The following PSD4 variants were observed in gnomAD, a reference collection of about 807,000 sequenced individuals.
The protein encoded by PSD4 is PH and SEC7 domain-containing protein 4.
A neutral mutation model predicts 112.5 loss-of-function variants in PSD4; 59 were observed. The observed-to-expected ratio is 0.52, with a 90% confidence interval of 0.43 to 0.65. The LOEUF is 0.65. Among genes scored for constraint, PSD4 ranks in the 30% least tolerant of loss-of-function variants. The probability of loss-of-function intolerance (pLI) is 0.00; values close to 1 mark genes in which losing one functional copy is unlikely to be tolerated. For missense variants in PSD4, 1,267 were observed against 1,352.6 expected (o/e 0.94, Z 0.99); for synonymous variants, 533 against 540.0 (o/e 0.99, Z 0.18).
At chr2:113,196,415 C>T in intron 12 of PSD4, 108 bp downstream of exon 12, 2 of 1,384,728 alleles carry the variant, frequency 1.4e-6, no homozygotes, top group Admixed American at 2.3e-5. Context: ...GCGTTGAGGA[C>T]AGGCAGCCAG....
At chr2:113,175,137 C>G (rs1573343196) in intron 1 of PSD4, 1 of 152,048 alleles carries the variant, frequency 6.6e-6, no homozygotes, top group Non-Finnish European at 1.5e-5. Flanking sequence ...GTGAGAGGAC[C>G]CAGGGAGGAG....
intron 14 of PSD4, chr2:113,198,138 A>G (rs1688664255): frequency 1.9e-6 from 1 of 522,602 alleles, no homozygotes; most frequent in Non-Finnish European, 3.3e-6. Context: ...CTTTGCCAGC[A>G]CAGTATGCCT....
At chr2:113,176,315 G>A (rs955081155) in intron 1 of PSD4, among the ~76,000 whole-genome samples, 1 of 152,230 alleles carries the variant, frequency 6.6e-6, no homozygotes, top group African/African-American at 2.4e-5. Flanking sequence ...TGGGGCAGGT[G>A]GGAGGGACTC....
At chr2:113,196,355 TG>T in intron 12 of PSD4, 48 bp downstream of exon 12, 16 of 1,579,228 alleles carry the variant, frequency 1.0e-5, no homozygotes, top group Non-Finnish European at 1.3e-5. Flanking sequence ...GGAGCAGCCC[TG>T]CTCAGGGACC....
Position 113,198,847 on chromosome 2 carries a change from G to A in PSD4, c.2732G>A (p.Arg911Gln), listed in dbSNP as rs573621306. ...GTGGGCTCCCAGCGCAGATTCGTGC[G>A]GCCCATCCTGCCCGTGGGCCCCGCC... ...AAVGSQRRFV[R>Q]PILPVGPAQS... The change falls in exon 15 of 17, where the codon CGG (arginine) becomes CAG (glutamine). Residue 911 changes from arginine (R) to glutamine (Q), a missense_variant. Coordinates refer to ENST00000245796, the MANE Select transcript of PSD4 (RefSeq NM_012455.3). 4 of 1,598,000 alleles carry A rather than the reference G, an allele frequency of 2.5e-6. No homozygotes were observed. Among genetic ancestry groups the A allele is most frequent in the Admixed American group, 1.7e-5 (1 of 59,722 alleles).
Position 113,201,824 on chromosome 2 carries a change from C to T in PSD4, c.*409C>T, listed in dbSNP as rs986907848. 27 of 183,322 alleles carry T rather than the reference C, an allele frequency of 1.5e-4. No homozygotes were observed. The highest frequency in any genetic ancestry group is 4.9e-3 in the Middle Eastern group (2 of 410). The allele number at this position is 183,322 out of a possible 1,614,324, so 11.4% of individuals were successfully genotyped here. ...TGTGCCCTTGGCTTCTGGGGGAGAG[C>T]TTGGGGCAGCAGAGGCCCCTGGGCA... On this transcript the variant is annotated 3_prime_UTR_variant, in exon 17 of 17. Transcript: ENST00000245796.
intron 1 of PSD4, among the ~76,000 whole-genome samples, chr2:113,174,497 G>C (rs774597923): frequency 3.9e-5 from 6 of 152,212 alleles, no homozygotes; most frequent in East Asian, 1.9e-4. Flanking sequence ...AGTGATTCTC[G>C]ACCCTAGACT....
At chr2:113,185,555 G>C (rs1024072056) in intron 4 of PSD4, 115 bp downstream of exon 4, 8 of 1,587,258 alleles carry the variant, frequency 5.0e-6, no homozygotes, top group Non-Finnish European at 1.7e-6. Flanking sequence ...CCATTATATT[G>C]TGTTTAAGCC....
At chr2:113,177,644 T>G (rs571698804) in intron 1 of PSD4, among the ~76,000 whole-genome samples, 2 of 151,680 alleles carry the variant, frequency 1.3e-5, no homozygotes, top group East Asian at 3.9e-4. Context: ...TCAATGCTGA[T>G]CTTTAAATTT....
Position 113,185,766 on chromosome 2 carries a change from T to C in PSD4, c.1250-111T>C, listed in dbSNP as rs1285590532. 6 of 1,550,372 alleles carry C rather than the reference T, an allele frequency of 3.9e-6. No individual in the cohort carries two copies. In the African/African-American group the frequency reaches 6.8e-5, roughly 18 times the overall value. On this transcript the variant is annotated intron_variant, in intron 4 of 16. Coordinates refer to ENST00000245796, the MANE Select transcript of PSD4 (RefSeq NM_012455.3). ...TCACTGCCCGAGGGAGGACAGGGCA[T>C]GCTGCCAGGCTCCAGGGGAGGAGCC...
chr2:113,192,972 C>T lies in PSD4; in HGVS notation c.1839-76C>T, dbSNP rs1053890782. 1.2e-5 allele frequency: 18 copies of T among 1,443,290 alleles called. No homozygotes were observed. The African/African-American group carries it at 1.7e-4, about 13-fold the overall frequency. The allele number at this position is 1,443,290 out of a possible 1,614,324, so 89.4% of individuals were successfully genotyped here. ...ACCCCCACCGCATAATGTGTGCAGG[C>T]CCTGGGGGCCCCAGTGCATCTGCAG... is the stretch of plus-strand genomic sequence containing the variant. On this transcript the variant is annotated intron_variant, in intron 6 of 16. Coordinates refer to ENST00000245796, the MANE Select transcript of PSD4 (RefSeq NM_012455.3).
intron 16 of PSD4, among the ~76,000 whole-genome samples, chr2:113,200,717 A>C (rs1448342585): frequency 6.6e-6 from 1 of 152,224 alleles, no homozygotes; most frequent in Non-Finnish European, 1.5e-5. Flanking sequence ...TCAGGAGTAC[A>C]GTGTTAAGTA....
In PSD4 at chr2:113,199,173, C is replaced by T. The variant is rs1011418823; in HGVS notation, c.2860C>T (p.Arg954Cys). The T allele has an allele frequency of 3.9e-6, 6 of 1,524,554 alleles. No individual in the cohort carries two copies. The highest frequency in any genetic ancestry group is 5.3e-6 in the Non-Finnish European group (6 of 1,138,748). 94.4% of individuals were successfully genotyped at this position (1,524,554 alleles called of 1,614,324 possible). ...GAGGAACCTGCCGGAGCGGCGGGGCCGTGGCCGCGAGCTGGAGGAGCACCG... is the reference window on the plus strand; with the variant it reads ...GAGGAACCTGCCGGAGCGGCGGGGCTGTGGCCGCGAGCTGGAGGAGCACCG... Reference protein sequence around the residue: ...LQRNLPERRGRGRELEEHRLR... With the variant: ...LQRNLPERRGCGRELEEHRLR... Residue 954 changes from arginine (R) to cysteine (C), a missense_variant, in exon 16 of 17, where the codon CGT becomes TGT. Physicochemically the swap from Arg to Cys is radical, Grantham distance 180. Transcript: ENST00000245796.
chr2:113,177,241 G>A (rs1400493063), intron 1 of PSD4, among the ~76,000 whole-genome samples: 1 of 152,216 alleles, frequency 6.6e-6, no homozygotes, highest in Non-Finnish European at 1.5e-5. Flanking sequence ...CCGTGGGGAA[G>A]CCTTCATATT....
At position 113,186,230 on chromosome 2, in the gene PSD4, G is replaced by A. The variant is rs1306639997; in HGVS notation, c.1603G>A (p.Asp535Asn). ...RPAETGDVQP[D>N]IHLTSAEHEN... Reference sequence around the variant, plus strand: ...TGCAGAGACTGGAGACGTCCAGCCTGACATTCACCTGACTTCTGCAGAACA... The same window carrying A: ...TGCAGAGACTGGAGACGTCCAGCCTAACATTCACCTGACTTCTGCAGAACA... Residue 535 changes from aspartate to asparagine, a missense_variant, in exon 5 of 17, where the codon GAC (aspartate) becomes AAC (asparagine). Coordinates refer to ENST00000245796, the MANE Select transcript of PSD4 (RefSeq NM_012455.3). 1.3e-6 allele frequency: 2 copies of A among 1,597,474 alleles called. No individual in the cohort carries two copies. The highest frequency in any genetic ancestry group is 1.7e-6 in the Non-Finnish European group (2 of 1,170,294).
rs1189745244 is a variant in PSD4, at chr2:113,199,176, G to A, written c.2863G>A (p.Gly955Ser). Residue 955 changes from glycine to serine, a missense_variant, in exon 16 of 17, where the codon GGC (glycine) becomes AGC (serine). Transcript: ENST00000245796. ...GAACCTGCCGGAGCGGCGGGGCCGT[G>A]GCCGCGAGCTGGAGGAGCACCGCCT... Reference protein sequence around the residue: ...QRNLPERRGRGRELEEHRLRK... With the variant: ...QRNLPERRGRSRELEEHRLRK... The A allele has an allele frequency of 1.3e-6, 2 of 1,525,074 alleles. No homozygotes were observed. Among genetic ancestry groups the A allele is most frequent in the South Asian group, 1.2e-5 (1 of 82,546 alleles). The allele number at this position is 1,525,074 out of a possible 1,614,324, so 94.5% of individuals were successfully genotyped here. A position where few individuals can be genotyped will look rare whatever the true frequency, so the allele number is the denominator to read the frequency against.
In PSD4 at chr2:113,186,087, C is replaced by A. The variant is rs756200042; in HGVS notation, c.1460C>A (p.Ala487Asp). The A allele has an allele frequency of 9.9e-6, 16 of 1,614,128 alleles. No individual in the cohort carries two copies. In the Middle Eastern group the frequency reaches 4.9e-4, roughly 50 times the overall value. ...SGILPKWTLDASQSSLLETDG... is the reference protein window; with the variant it reads ...SGILPKWTLDDSQSSLLETDG... ...ATTTTGCCCAAGTGGACACTAGATG[C>A]TTCACAGTCTTCACTCTTGGAGACG... is the stretch of plus-strand genomic sequence containing the variant. Residue 487 changes from alanine (A) to aspartate (D), a missense_variant, in exon 5 of 17, where the codon GCT becomes GAT. Ala to Asp is a moderately radical substitution (Grantham distance 126). Around this residue, in one of 2 missense-constraint regions of PSD4, gnomAD observed 723 missense variants for 704.0 expected, o/e 1.03. Transcript: ENST00000245796.
At chr2:113,188,561 C>G (rs1323318226) in intron 5 of PSD4, among the ~76,000 whole-genome samples, 1 of 151,810 alleles carries the variant, frequency 6.6e-6, no homozygotes, top group Non-Finnish European at 1.5e-5. Context: ...CCTGACCTCA[C>G]TTTATTATTT....
At position 113,199,078 on chromosome 2, in the gene PSD4, C is replaced by A; in HGVS notation, c.2770-5C>A. 2 of 1,525,598 alleles carry A rather than the reference C, an allele frequency of 1.3e-6. No individual in the cohort carries two copies. Among genetic ancestry groups the A allele is most frequent in the South Asian group, 1.2e-5 (1 of 82,462 alleles). The allele number at this position is 1,525,598 out of a possible 1,614,324, so 94.5% of individuals were successfully genotyped here. A position where few individuals can be genotyped will look rare whatever the true frequency, so the allele number is the denominator to read the frequency against. ...ACAGCGCCCCTCACCGCCCGCTGCT[C>A]GCAGGAGGAGCAGCATCGATCCCAC... On this transcript the variant is annotated splice_region_variant and splice_polypyrimidine_tract_variant and intron_variant, in intron 15 of 16. Transcript: ENST00000245796.
Sources: allele counts gnomAD v4.1 joint callset (sites outside exome capture counted in the v4.1 genomes callset), GRCh38; gene constraint gnomAD v4.1.1; regional missense constraint gnomAD v4.1.1; transcripts MANE v1.5; gene names NCBI Gene and HGNC (gene_info 2026-07-23, HGNC 2026-07-21).